Variants in RLF observed in about 807,000 individuals in gnomAD.
The protein encoded by RLF is zinc finger protein Rlf.
In RLF, 7 loss-of-function variants were observed where a neutral mutation model predicts 162.9. That is an observed-to-expected ratio of 0.04 (90% CI 0.02 to 0.08). RLF has a LOEUF of 0.08. Ranked by LOEUF, RLF falls within the 10% of genes least tolerant of loss-of-function variation. The probability of loss-of-function intolerance (pLI) is 1.00; values close to 1 mark genes in which losing one functional copy is unlikely to be tolerated. For missense variants in RLF, 1,664 were observed against 2,244.7 expected (o/e 0.74, Z 5.23); for synonymous variants, 782 against 791.5 (o/e 0.99, Z 0.20).
Position 40,236,834 on chromosome 1 carries a change from A to G in RLF, c.2132A>G (p.Asn711Ser). 1.2e-6 allele frequency: 2 copies of G among 1,614,198 alleles called. No homozygotes were observed. The highest frequency in any genetic ancestry group is 2.2e-5 in the South Asian group (2 of 91,082). ...ENAKHYLDMK[N>S]RREKCTYCRR... is the part of the protein sequence containing the mutation. ...GCCAAGCACTACTTGGATATGAAAA[A>G]TAGAAGAGAGAAGTGTACTTACTGT... The change falls in exon 8 of 8, where the codon AAT becomes AGT. Residue 711 changes from asparagine to serine, a missense_variant. Coordinates refer to ENST00000372771, the MANE Select transcript of RLF (RefSeq NM_012421.4). The surrounding 1 kb of genome is among the most constrained non-coding windows in gnomAD (Gnocchi z 7.7).
At chr1:40,168,500 C>T (rs1642196268) in intron 1 of RLF, among the ~76,000 whole-genome samples, 1 of 152,014 alleles carries the variant, frequency 6.6e-6, no homozygotes, top group Non-Finnish European at 1.5e-5. Context: ...CCCACAGCTT[C>T]CCAAAGTGCT....
At chr1:40,169,644 AAT>A (rs1642214641) in intron 1 of RLF, among the ~76,000 whole-genome samples, 6 of 150,502 alleles carry the variant, frequency 4.0e-5, no homozygotes, top group African/African-American at 1.2e-4. Flanking sequence ...AAAAAAAAAA[AAT>A]AAGTGCTTCT....
At chr1:40,217,717 A>G (rs1231038644) in intron 5 of RLF, among the ~76,000 whole-genome samples, 1 of 152,048 alleles carries the variant, frequency 6.6e-6, no homozygotes, top group Non-Finnish European at 1.5e-5. Flanking sequence ...GGTTGCAGTG[A>G]CCCGAGATTG....
chr1:40,206,192 A>G (rs906619363), intron 5 of RLF, among the ~76,000 whole-genome samples: 4 of 152,082 alleles, frequency 2.6e-5, no homozygotes, highest in Non-Finnish European at 5.9e-5. Flanking sequence ...GGTTTTTTTT[A>G]GTCCTCACTA....
chr1:40,206,597 T>C (rs1160022501), intron 5 of RLF, among the ~76,000 whole-genome samples: 1 of 152,228 alleles, frequency 6.6e-6, no homozygotes, highest in East Asian at 1.9e-4. Context: ...GCCACTTCTC[T>C]GCACACAATT....
At chr1:40,189,345 C>T (rs1389281540) in intron 2 of RLF, 136 bp downstream of exon 2, 9 of 671,634 alleles carry the variant, frequency 1.3e-5, no homozygotes, top group East Asian at 5.7e-5. Context: ...AAATTTCCTT[C>T]CTACTCACGT....
rs1643209029 is a variant in RLF at position 40,235,732 on chromosome 1, A to G, written c.1090-60A>G. The G allele has an allele frequency of 2.4e-6, 3 of 1,244,462 alleles. No homozygotes were observed. The South Asian group carries it at 5.5e-5, about 23-fold the overall frequency. The allele number at this position is 1,244,462 out of a possible 1,614,324, so 77.1% of individuals were successfully genotyped here. ...TACAAGCTAAAATTCCTTATCAGTG[A>G]AAGTTATATAATCTTTCTGTATGCA... On this transcript the variant is annotated intron_variant, in intron 7 of 7. Coordinates refer to ENST00000372771, the MANE Select transcript of RLF (RefSeq NM_012421.4).
chr1:40,200,863 A>C (rs986241722), intron 4 of RLF, among the ~76,000 whole-genome samples: 6 of 117,770 alleles, frequency 5.1e-5, no homozygotes, highest in Non-Finnish European at 1.0e-4. Flanking sequence ...AACCATTGCT[A>C]CTCTACACAC....
intron 6 of RLF, among the ~76,000 whole-genome samples, chr1:40,230,114 CAAA>C (rs755590266): frequency 1.9e-5 from 2 of 107,508 alleles, no homozygotes; most frequent in Non-Finnish European, 4.0e-5. Context: ...AGCTCCGTCT[CAAA>C]AAAAAAAAAA....
At chr1:40,227,611 C>T (rs746683670) in intron 6 of RLF, among the ~76,000 whole-genome samples, 9 of 152,028 alleles carry the variant, frequency 5.9e-5, no homozygotes, top group Non-Finnish European at 5.9e-5. Flanking sequence ...CATAAAATGC[C>T]CATTTTTGAT....
chr1:40,226,885 A>G (rs1050592318), intron 6 of RLF, among the ~76,000 whole-genome samples: 7 of 152,048 alleles, frequency 4.6e-5, no homozygotes, highest in Non-Finnish European at 1.0e-4. Flanking sequence ...TATTTTTGAG[A>G]TAGAGTTTTG....
At chr1:40,220,197 C>T (rs1288958318) in intron 5 of RLF, among the ~76,000 whole-genome samples, 1 of 152,126 alleles carries the variant, frequency 6.6e-6, no homozygotes, top group Non-Finnish European at 1.5e-5. Context: ...CACTGCAGTC[C>T]AGCCTGGGCA....
chr1:40,194,103 C>G (rs1570533984), intron 3 of RLF, among the ~76,000 whole-genome samples: 1 of 152,104 alleles, frequency 6.6e-6, no homozygotes, highest in Admixed American at 6.6e-5. Context: ...TTCCCTCACC[C>G]TTGAATATAA....
intron 1 of RLF, among the ~76,000 whole-genome samples, chr1:40,188,360 C>A (rs1044673160): frequency 6.6e-6 from 1 of 152,134 alleles, no homozygotes; most frequent in African/African-American, 2.4e-5. Flanking sequence ...TCAATACTCA[C>A]CAGATAACTT....
At position 40,239,513 on chromosome 1, in the gene RLF, C is replaced by T. The variant is rs145864770; in HGVS notation, c.4811C>T (p.Ser1604Phe). ...ACCAAAATTAAGGAGGAACCCCCTTCTGAAGCAGATCCCTGTATAAAGAAA... is the reference window on the plus strand; with the variant it reads ...ACCAAAATTAAGGAGGAACCCCCTTTTGAAGCAGATCCCTGTATAAAGAAA... ...YGTKIKEEPPSEADPCIKKEE... is the reference protein window; with the variant it reads ...YGTKIKEEPPFEADPCIKKEE... Residue 1604 changes from serine (S) to phenylalanine (F), a missense_variant, in exon 8 of 8, where the codon TCT (serine) becomes TTT (phenylalanine). Physicochemically the swap from Ser to Phe is radical, Grantham distance 155 (BLOSUM62 -2). Coordinates refer to ENST00000372771, the MANE Select transcript of RLF (RefSeq NM_012421.4). 1.9e-6 allele frequency: 3 copies of T among 1,614,018 alleles called. No homozygotes were observed. Among genetic ancestry groups the T allele is most frequent in the African/African-American group, 1.3e-5 (1 of 75,024 alleles).
At chr1:40,214,417 C>G (rs763984365) in intron 5 of RLF, among the ~76,000 whole-genome samples, 2 of 152,114 alleles carry the variant, frequency 1.3e-5, no homozygotes, top group Non-Finnish European at 2.9e-5. Context: ...AGAATATCAC[C>G]TTTGACCTCA....
intron 1 of RLF, among the ~76,000 whole-genome samples, chr1:40,182,748 G>GGT (rs1642421316): frequency 2.6e-5 from 3 of 114,286 alleles, no homozygotes; most frequent in African/African-American, 9.9e-5. Context: ...TAGACAGATA[G>GGT]ATAGGTAGAT....
At chr1:40,182,658 G>A (rs1156595178) in intron 1 of RLF, among the ~76,000 whole-genome samples, 5 of 151,900 alleles carry the variant, frequency 3.3e-5, no homozygotes, top group Middle Eastern at 3.2e-3. Flanking sequence ...TGGCAGAATC[G>A]GTATCTAAAA....
Position 40,240,119 on chromosome 1 carries a change from A to G in RLF, c.5417A>G (p.Asn1806Ser), listed in dbSNP as rs777462913. The G allele has an allele frequency of 5.6e-6, 9 of 1,614,060 alleles. No homozygotes were observed. The Admixed American group carries it at 6.7e-5, about 12-fold the overall frequency. The change falls in exon 8 of 8, where the codon AAT (asparagine) becomes AGT (serine). Residue 1806 changes from asparagine to serine, a missense_variant. Asn to Ser is a conservative substitution (Grantham distance 46, BLOSUM62 1). This residue lies in a region of RLF where 327 missense variants were observed against 342.7 expected (regional missense o/e 0.95). Coordinates refer to ENST00000372771, the MANE Select transcript of RLF (RefSeq NM_012421.4). ...TTAAGTAATTCTTCACAGTCCAGTA[A>G]TGATTTAACAGGGAATGTTGTGGCA... ...LTLSNSSQSS[N>S]DLTGNVVANN...
Sources: allele counts gnomAD v4.1 joint callset (sites outside exome capture counted in the v4.1 genomes callset), GRCh38; gene constraint gnomAD v4.1.1; regional missense constraint gnomAD v4.1.1; non-coding constraint Gnocchi (gnomAD v3.1); transcripts MANE v1.5; gene names NCBI Gene and HGNC (gene_info 2026-07-23, HGNC 2026-07-21).